Variants in TTC28 observed in about 807,000 individuals in gnomAD.
The protein encoded by TTC28 is tetratricopeptide repeat protein 28.
A neutral mutation model predicts 198.0 loss-of-function variants in TTC28; 61 were observed. That is an observed-to-expected ratio of 0.31 (90% CI 0.25 to 0.38). The LOEUF is 0.38. Ranked by LOEUF, TTC28 falls within the 10% of genes least tolerant of loss-of-function variation. The pLI, the probability that TTC28 is intolerant of heterozygous loss-of-function variation, is 1.00. For synonymous variants in TTC28, 1,171 were observed against 1,297.8 expected (o/e 0.90, Z 2.10); for missense variants, 2,678 against 3,164.0 (o/e 0.85, Z 3.69).
intron 5 of TTC28, among the ~76,000 whole-genome samples, chr22:28,269,915 A>G (rs1034700423): frequency 6.6e-6 from 1 of 152,214 alleles, no homozygotes; most frequent in Non-Finnish European, 1.5e-5. Flanking sequence ...CAAGCAGCAC[A>G]ATGATAAAGA....
At chr22:28,316,800 T>G (rs1205964490) in intron 2 of TTC28, among the ~76,000 whole-genome samples, 1 of 152,210 alleles carries the variant, frequency 6.6e-6, no homozygotes, top group Non-Finnish European at 1.5e-5. Context: ...AAGTTCTTAC[T>G]CTGTTATCCA....
intron 2 of TTC28, among the ~76,000 whole-genome samples, chr22:28,521,101 T>C (rs907440937): frequency 6.6e-6 from 1 of 151,910 alleles, no homozygotes; most frequent in Non-Finnish European, 1.5e-5. Flanking sequence ...ATAATATATA[T>C]GTTAAAACTA....
At chr22:28,551,094 C>T (rs1199672080) in intron 2 of TTC28, among the ~76,000 whole-genome samples, 1 of 151,950 alleles carries the variant, frequency 6.6e-6, no homozygotes, top group African/African-American at 2.4e-5. Context: ...ATGAGATAGA[C>T]AGCAACACAA....
Position 28,108,410 on chromosome 22 carries a change from AAG to A in TTC28, c.1442-9_1442-8del. ...TTCATCTGGTGTATGATTCCTGAGA[AAG>A]AGAATAAAAGAACAGACTAAGACTG... On this transcript the variant is annotated splice_region_variant and splice_polypyrimidine_tract_variant and intron_variant, in intron 6 of 22. Coordinates refer to ENST00000397906, the MANE Select transcript of TTC28 (RefSeq NM_001145418.2). The A allele has an allele frequency of 2.8e-6, 4 of 1,434,226 alleles. No individual in the cohort carries two copies. The highest frequency in any genetic ancestry group is 1.6e-5 in the South Asian group (1 of 63,904). The allele number at this position is 1,434,226 out of a possible 1,614,324, so 88.8% of individuals were successfully genotyped here.
intron 12 of TTC28, among the ~76,000 whole-genome samples, chr22:28,086,620 A>G (rs1941612267): frequency 6.6e-6 from 1 of 152,192 alleles, no homozygotes; most frequent in South Asian, 2.1e-4. Flanking sequence ...AAGCAAGAGC[A>G]AACATATTCA....
intron 12 of TTC28, among the ~76,000 whole-genome samples, chr22:28,045,092 T>C (rs967973317): frequency 1.3e-5 from 2 of 152,176 alleles, no homozygotes; most frequent in African/African-American, 4.8e-5. Flanking sequence ...CCCCTGATGA[T>C]GTGGCTCTCA....
intron 2 of TTC28, among the ~76,000 whole-genome samples, chr22:28,349,696 T>C (rs531997259): frequency 5.9e-5 from 9 of 152,236 alleles, no homozygotes; most frequent in African/African-American, 2.2e-4. Flanking sequence ...GTTACTGTGA[T>C]ACAATGAGAC....
chr22:28,010,770 G>A (rs1269731914), intron 14 of TTC28, among the ~76,000 whole-genome samples: 1 of 152,198 alleles, frequency 6.6e-6, no homozygotes, highest in East Asian at 1.9e-4. Flanking sequence ...CCTCTTGGGA[G>A]AGCCCCCAGG....
chr22:28,089,659 T>TAAA (rs1303432311), intron 12 of TTC28, among the ~76,000 whole-genome samples: 1 of 138,226 alleles, frequency 7.2e-6, no homozygotes, highest in Non-Finnish European at 1.6e-5. Flanking sequence ...AAACTTAAAG[T>TAAA]ATAATAATAA....
chr22:28,166,469 ACT>A (rs1921970573), intron 5 of TTC28, among the ~76,000 whole-genome samples: 1 of 152,082 alleles, frequency 6.6e-6, no homozygotes, highest in Non-Finnish European at 1.5e-5. Flanking sequence ...ATTATAACAA[ACT>A]CTGTCAGATC....
At chr22:28,186,540 T>G (rs974568681) in intron 5 of TTC28, among the ~76,000 whole-genome samples, 1 of 152,144 alleles carries the variant, frequency 6.6e-6, no homozygotes, top group Non-Finnish European at 1.5e-5. Context: ...AGAGGACCAT[T>G]TAAATGTGCC....
At chr22:28,158,393 G>A (rs1270292558) in intron 6 of TTC28, among the ~76,000 whole-genome samples, 5 of 151,972 alleles carry the variant, frequency 3.3e-5, no homozygotes, top group African/African-American at 9.7e-5. Context: ...ATTCTTCAAG[G>A]AAATAGAAAA....
At chr22:28,443,567 ATT>A (rs57889775) in intron 2 of TTC28, among the ~76,000 whole-genome samples, 2 of 146,560 alleles carry the variant, frequency 1.4e-5, no homozygotes, top group Admixed American at 6.8e-5. Flanking sequence ...GTGTGTTTAG[ATT>A]TTTTTTTTTT....
intron 2 of TTC28, among the ~76,000 whole-genome samples, chr22:28,560,756 TTTTG>T (rs759060746): frequency 8.6e-5 from 13 of 152,042 alleles, no homozygotes; most frequent in Non-Finnish European, 1.3e-4. Context: ...ATTTTCTTTT[TTTTG>T]TTTGTTTGTT....
rs185579669 is a variant in TTC28 at position 28,520,155 on chromosome 22, T to C, written c.381+109397A>G. Reference sequence around the variant, plus strand: ...ACAATCTCGGTTTGAGTCCCAACTTTACCCAAAAGCAGCAAATAGAAGACA... The same window carrying C: ...ACAATCTCGGTTTGAGTCCCAACTTCACCCAAAAGCAGCAAATAGAAGACA... On this transcript the variant is annotated intron_variant, in intron 2 of 22. Transcript: ENST00000397906. 2.0e-4 allele frequency among the ~76,000 whole-genome samples: 31 copies of C among 152,308 alleles called. No homozygotes were observed. The East Asian group carries it at 2.9e-3, about 14-fold the overall frequency.
At chr22:28,516,824 A>AT (rs1225493342) in intron 2 of TTC28, among the ~76,000 whole-genome samples, 2 of 152,234 alleles carry the variant, frequency 1.3e-5, no homozygotes, top group African/African-American at 4.8e-5. Context: ...CAGATATGTT[A>AT]ATCAGCTTGA....
intron 2 of TTC28, among the ~76,000 whole-genome samples, chr22:28,593,488 G>C (rs2050476209): frequency 1.3e-5 from 2 of 151,896 alleles, no homozygotes; most frequent in Admixed American, 1.3e-4. Flanking sequence ...TAGGTAGGTA[G>C]GTAGGTAGGT....
Position 28,108,256 on chromosome 22 carries a change from T to C in TTC28, c.1589A>G (p.Tyr530Cys). ...MGNAYNALGMYDQAVKYHRQE... is the reference protein window; with the variant it reads ...MGNAYNALGMCDQAVKYHRQE... ...CCGATGGTATTTGACCGCCTGGTCGTACATGCCCAGGGCATTGTAGGCATT... is the reference window on the plus strand; with the variant it reads ...CCGATGGTATTTGACCGCCTGGTCGCACATGCCCAGGGCATTGTAGGCATT... The change falls in exon 7 of 23, where the codon TAC (tyrosine) becomes TGC (cysteine). Residue 530 changes from tyrosine to cysteine, a missense_variant. This residue lies in a region of TTC28 where 775 missense variants were observed against 845.9 expected (regional missense o/e 0.92). Coordinates refer to ENST00000397906, the MANE Select transcript of TTC28 (RefSeq NM_001145418.2). The C allele has an allele frequency of 2.6e-6, 4 of 1,550,668 alleles. No individual in the cohort carries two copies. The highest frequency in any genetic ancestry group is 3.5e-6 in the Non-Finnish European group (4 of 1,146,128).
At chr22:28,008,324 GAT>G (rs1470474433) in intron 14 of TTC28, 4 of 152,232 alleles carry the variant, frequency 2.6e-5, no homozygotes, top group African/African-American at 9.6e-5. Flanking sequence ...TTCACTCTTA[GAT>G]GAGAAGTCTT....
Sources: allele counts gnomAD v4.1 joint callset (sites outside exome capture counted in the v4.1 genomes callset), GRCh38; gene constraint gnomAD v4.1.1; regional missense constraint gnomAD v4.1.1; transcripts MANE v1.5; gene names NCBI Gene and HGNC (gene_info 2026-07-23, HGNC 2026-07-21).